NFIB: variants seen among roughly 807,000 people sequenced by gnomAD.
NFIB encodes nuclear factor I B.
A neutral mutation model predicts 61.5 loss-of-function variants in NFIB; 11 were observed. That is an observed-to-expected ratio of 0.18 (90% CI 0.11 to 0.30). The LOEUF (loss-of-function observed/expected upper bound fraction) is 0.30. NFIB is among the 10% of genes least tolerant of loss of function. The pLI, the probability that NFIB is intolerant of heterozygous loss-of-function variation, is 1.00. For missense variants in NFIB, 471 were observed against 608.9 expected (o/e 0.77, Z 2.38); for synonymous variants, 260 against 216.5 (o/e 1.20, Z -1.76).
chr9:14,446,040 A>G, the NFIB span, among the ~76,000 whole-genome samples: 1 of 152,180 alleles, frequency 6.6e-6, no homozygotes, highest in Non-Finnish European at 1.5e-5. Flanking sequence ...TTCTCTCAGC[A>G]TGTTGGAGAT....
chr9:14,233,663 C>G (rs1587813210), intron 2 of NFIB, among the ~76,000 whole-genome samples: 1 of 152,142 alleles, frequency 6.6e-6, no homozygotes, highest in Non-Finnish European at 1.5e-5. Flanking sequence ...CTCCTGACCT[C>G]AGGTGATCCA....
chr9:14,148,952 T>C (rs528226317), intron 5 of NFIB, among the ~76,000 whole-genome samples: 8 of 152,318 alleles, frequency 5.3e-5, no homozygotes, highest in African/African-American at 1.4e-4. Flanking sequence ...ACAAATTACA[T>C]GCATAAGGAA....
chr9:14,224,087 C>T (rs929222884), intron 2 of NFIB, among the ~76,000 whole-genome samples: 4 of 152,198 alleles, frequency 2.6e-5, no homozygotes, highest in Admixed American at 1.3e-4. Flanking sequence ...CGTCCAATTA[C>T]GCCTTCCAGT....
chr9:14,098,768 G>T (rs904456616), intron 10 of NFIB, among the ~76,000 whole-genome samples: 2 of 152,198 alleles, frequency 1.3e-5, no homozygotes, highest in Non-Finnish European at 2.9e-5. Flanking sequence ...CAGAAAAATT[G>T]ACTCTCTCAA....
At chr9:14,446,015 G>C in the NFIB span, among the ~76,000 whole-genome samples, 1 of 152,090 alleles carries the variant, frequency 6.6e-6, no homozygotes, top group Non-Finnish European at 1.5e-5. Flanking sequence ...TTTCCACTAG[G>C]CATAGAATTC....
In NFIB at chr9:14,239,854, A is replaced by T. The variant is rs1032723805; in HGVS notation, c.563-60074T>A. Among the ~76,000 whole-genome samples the T allele has an allele frequency of 2.6e-5, 4 of 152,274 alleles. No homozygotes were observed. In the East Asian group the frequency reaches 7.7e-4, roughly 29 times the overall value. On this transcript the variant is annotated intron_variant, in intron 2 of 10. Transcript: ENST00000380953. ...ATACCCTCCAGAGGGAGAGAGTGCAAGAGTTTATATGTTAAAGAGAACATT... is the reference window on the plus strand; with the variant it reads ...ATACCCTCCAGAGGGAGAGAGTGCATGAGTTTATATGTTAAAGAGAACATT...
At chr9:14,183,320 T>G (rs2047007640) in intron 2 of NFIB, among the ~76,000 whole-genome samples, 1 of 152,220 alleles carries the variant, frequency 6.6e-6, no homozygotes. Context: ...AAAATTACCT[T>G]CCAGAAGGCT....
the NFIB span, among the ~76,000 whole-genome samples, chr9:14,461,477 C>G: frequency 2.0e-5 from 3 of 152,214 alleles, no homozygotes; most frequent in African/African-American, 2.4e-5. Context: ...CTATCAGCAG[C>G]AGGCAGGAGT....
chr9:14,442,343 C>G, the NFIB span, among the ~76,000 whole-genome samples: 1 of 152,142 alleles, frequency 6.6e-6, no homozygotes, highest in South Asian at 2.1e-4. Flanking sequence ...AAAGAGGTTA[C>G]CTAATAATAT....
the NFIB span, among the ~76,000 whole-genome samples, chr9:14,465,610 C>G: frequency 6.6e-6 from 1 of 151,374 alleles, no homozygotes; most frequent in East Asian, 1.9e-4. Flanking sequence ...CACACACACG[C>G]CCTACCCCCT....
rs371982754 is a variant in NFIB, at chr9:14,376,582, T to C, written c.108+21942A>G. On this transcript the variant is annotated intron_variant, in intron 1 of 8. Transcript: ENST00000380934. ...TTCAGGGTGGAGTGCAGTGGCATGA[T>C]CTCTGCTCATTGCAACCTCCGCCTC... is the stretch of plus-strand genomic sequence containing the variant. 2.6e-5 allele frequency among the ~76,000 whole-genome samples: 4 copies of C among 151,622 alleles called. No homozygotes were observed. The South Asian group carries it at 8.4e-4, about 32-fold the overall frequency.
At chr9:14,315,454 A>AC (rs1388806845), upstream of NFIB, among the ~76,000 whole-genome samples, 7 of 133,730 alleles carry the variant, frequency 5.2e-5, no homozygotes, top group Admixed American at 1.5e-4. Flanking sequence ...CCCAATCCCC[A>AC]CCCCCCGGGG....
chr9:14,399,901 C>G (rs1038723498), upstream of NFIB, among the ~76,000 whole-genome samples: 9 of 152,052 alleles, frequency 5.9e-5, no homozygotes, highest in Non-Finnish European at 1.0e-4. Context: ...CCCAAATGCA[C>G]TCTTGTCCCT....
At chr9:14,283,711 T>C (rs1485628758) in intron 2 of NFIB, among the ~76,000 whole-genome samples, 1 of 152,224 alleles carries the variant, frequency 6.6e-6, no homozygotes, top group Non-Finnish European at 1.5e-5. Flanking sequence ...AAAGTCAGTA[T>C]GTTTAAATGT....
chr9:14,231,455 G>A (rs2053187184), intron 2 of NFIB, among the ~76,000 whole-genome samples: 1 of 152,110 alleles, frequency 6.6e-6, no homozygotes, highest in East Asian at 1.9e-4. Flanking sequence ...GCCCAATCCT[G>A]CCTGAATAAA....
chr9:14,313,801 G>T lies in NFIB; in HGVS notation c.-290C>A. On this transcript the variant is annotated 5_prime_UTR_variant, in exon 1 of 11. Transcript: ENST00000380953. The surrounding 1 kb of genome is among the most constrained non-coding windows in gnomAD (Gnocchi z 4.5). ...CTTGCCGAGGCCGCCGCCGCCGCCG[G>T]TGTTGGCTGCTTTTCGCCTGGGTTT... 7.5e-7 allele frequency: 1 copy of T among 1,331,834 alleles called. No homozygotes were observed. The highest frequency in any genetic ancestry group is 9.6e-7 in the Non-Finnish European group (1 of 1,041,270). 82.5% of individuals were successfully genotyped at this position (1,331,834 alleles called of 1,614,324 possible).
chr9:14,343,833 CGG>C (rs112857839), intron 1 of NFIB, among the ~76,000 whole-genome samples: 4 of 87,312 alleles, frequency 4.6e-5, no homozygotes, highest in African/African-American at 9.5e-5. Context: ...AAGGGGGGGT[CGG>C]GGGGGGAAGT....
the NFIB span, among the ~76,000 whole-genome samples, chr9:14,434,102 G>T: frequency 3.9e-5 from 6 of 152,124 alleles, no homozygotes; most frequent in African/African-American, 1.4e-4. Flanking sequence ...GCCTAAATAC[G>T]TACATTTTCT....
intron 2 of NFIB, among the ~76,000 whole-genome samples, chr9:14,239,074 A>G (rs2054091419): frequency 6.6e-6 from 1 of 152,250 alleles, no homozygotes; most frequent in Non-Finnish European, 1.5e-5. Context: ...CTGCAAGAGC[A>G]GTCGGTAATA....
Sources: gnomAD v4.1 joint callset for allele counts (sites outside exome capture counted in the v4.1 genomes callset) on GRCh38, gnomAD v4.1.1 for gene constraint, Gnocchi (gnomAD v3.1) non-coding constraint, MANE v1.5 for transcripts, NCBI Gene and HGNC (gene_info 2026-07-23, HGNC 2026-07-21) for gene names.